SMYD3: variants seen among roughly 807,000 people sequenced by gnomAD.
SMYD3 encodes the protein histone-lysine N-methyltransferase SMYD3.
Under a neutral mutation model 57.7 loss-of-function variants are expected in SMYD3, and 36 were observed. That is an observed-to-expected ratio of 0.62 (90% CI 0.48 to 0.82). SMYD3 has a LOEUF of 0.82. Among genes scored for constraint, SMYD3 ranks in the 40% least tolerant of loss-of-function variants. The pLI is 0.00. For synonymous variants in SMYD3, 211 were observed against 195.0 expected (o/e 1.08, Z -0.68); for missense variants, 515 against 538.8 (o/e 0.96, Z 0.44).
At chr1:246,416,393 T>C (rs950396756) in intron 1 of SMYD3, among the ~76,000 whole-genome samples, 1 of 152,226 alleles carries the variant, frequency 6.6e-6, no homozygotes, top group African/African-American at 2.4e-5. Flanking sequence ...TGAAGCTTAG[T>C]ATTCAAATCT....
chr1:245,812,134 A>G (rs950123112), intron 10 of SMYD3, among the ~76,000 whole-genome samples: 3 of 152,198 alleles, frequency 2.0e-5, no homozygotes, highest in Admixed American at 2.0e-4. Flanking sequence ...CACATCAGCC[A>G]GTCACGTGTG....
chr1:245,834,557 C>T (rs1398041968), intron 10 of SMYD3, among the ~76,000 whole-genome samples: 5 of 152,302 alleles, frequency 3.3e-5, no homozygotes, highest in Middle Eastern at 6.8e-3. Flanking sequence ...TACATCTTAA[C>T]GTCCTCTGAG....
At chr1:246,443,265 A>G (rs541725554) in intron 1 of SMYD3, among the ~76,000 whole-genome samples, 3 of 152,328 alleles carry the variant, frequency 2.0e-5, no homozygotes, top group East Asian at 3.9e-4. Flanking sequence ...CTCAAACTGT[A>G]CATTTCTCCA....
At chr1:245,813,693 G>A (rs1572410494) in intron 10 of SMYD3, among the ~76,000 whole-genome samples, 1 of 152,124 alleles carries the variant, frequency 6.6e-6, no homozygotes, top group Admixed American at 6.5e-5. Context: ...AAGCTCCATA[G>A]AAAGCCTCCA....
chr1:245,985,594 A>T (rs1447370886), intron 5 of SMYD3, among the ~76,000 whole-genome samples: 3 of 152,086 alleles, frequency 2.0e-5, no homozygotes, highest in African/African-American at 7.2e-5. Flanking sequence ...CTGCTCCCTT[A>T]TTCCCGTCTC....
At chr1:246,080,255 C>T (rs967575069) in intron 5 of SMYD3, among the ~76,000 whole-genome samples, 4 of 151,760 alleles carry the variant, frequency 2.6e-5, no homozygotes, top group Non-Finnish European at 5.9e-5. Context: ...GCATGACCAC[C>T]GGAGCTCAGA....
At chr1:246,410,778 C>G (rs1309341795) in intron 1 of SMYD3, among the ~76,000 whole-genome samples, 2 of 152,100 alleles carry the variant, frequency 1.3e-5, no homozygotes, top group South Asian at 4.2e-4. Context: ...TGGTAGAATT[C>G]GGCTGTGAAT....
At chr1:246,229,635 G>A (rs966377799) in intron 5 of SMYD3, among the ~76,000 whole-genome samples, 2 of 152,188 alleles carry the variant, frequency 1.3e-5, no homozygotes, top group African/African-American at 4.8e-5. Flanking sequence ...CTAATATCCA[G>A]CAAAGGACCT....
At chr1:245,910,551 G>C (rs1198847027) in intron 8 of SMYD3, among the ~76,000 whole-genome samples, 1 of 152,000 alleles carries the variant, frequency 6.6e-6, no homozygotes, top group African/African-American at 2.4e-5. Context: ...AAAAAGCAAA[G>C]TAAGCATGGT....
chr1:245,983,622 G>C (rs146905141), intron 5 of SMYD3, among the ~76,000 whole-genome samples: 1 of 152,286 alleles, frequency 6.6e-6, no homozygotes, highest in East Asian at 1.9e-4. Flanking sequence ...TCTCATATTG[G>C]TTTGATGAAT....
chr1:246,273,538 T>G (rs1455254097), intron 5 of SMYD3, among the ~76,000 whole-genome samples: 1 of 151,496 alleles, frequency 6.6e-6, no homozygotes, highest in Non-Finnish European at 1.5e-5. Context: ...ACAATTTTGT[T>G]AATCTTTTCA....
intron 8 of SMYD3, among the ~76,000 whole-genome samples, chr1:245,883,285 G>A (rs2052891224): frequency 6.6e-6 from 1 of 152,074 alleles, no homozygotes; most frequent in Non-Finnish European, 1.5e-5. Flanking sequence ...GAAAAATCGA[G>A]ATAATATGTA....
At chr1:246,506,907 C>G (rs2068549548) in intron 1 of SMYD3, 147 bp downstream of exon 1, 2 of 734,258 alleles carry the variant, frequency 2.7e-6, no homozygotes, top group South Asian at 2.9e-5. Context: ...CGCCCCCGGG[C>G]ACACGCGCGT....
intron 11 of SMYD3, among the ~76,000 whole-genome samples, chr1:245,762,546 C>T (rs2045892352): frequency 6.6e-6 from 1 of 152,192 alleles, no homozygotes; most frequent in African/African-American, 2.4e-5. Context: ...CCTGAGGCTG[C>T]AACAGACGGT....
intron 5 of SMYD3, among the ~76,000 whole-genome samples, chr1:245,972,706 C>G (rs2058331335): frequency 6.6e-6 from 1 of 152,204 alleles, no homozygotes; most frequent in Non-Finnish European, 1.5e-5. Flanking sequence ...GGAGCTAAGC[C>G]TTGAGACTGT....
intron 1 of SMYD3, among the ~76,000 whole-genome samples, chr1:246,457,128 T>C (rs2067710154): frequency 6.6e-6 from 1 of 152,176 alleles, no homozygotes; most frequent in Non-Finnish European, 1.5e-5. Flanking sequence ...TCCATACTGA[T>C]CATCTCTGGC....
At position 245,781,478 on chromosome 1, in the gene SMYD3, C is replaced by T. The variant is rs544203680; in HGVS notation, c.1077-17329G>A. ...AGTACTGGGAAAATTGAGAAAAATG[C>T]CACCTTCTTCCAAGAGTCAAAGAAT... is the stretch of plus-strand genomic sequence containing the variant. On this transcript the variant is annotated intron_variant, in intron 10 of 11. Coordinates refer to ENST00000490107, the MANE Select transcript of SMYD3 (RefSeq NM_001167740.2). Among the ~76,000 whole-genome samples, 11 of 152,240 alleles carry T rather than the reference C, an allele frequency of 7.2e-5. 1 individual carries two copies. The South Asian group carries it at 2.3e-3, about 32-fold the overall frequency.
At position 246,086,703 on chromosome 1, in the gene SMYD3, C is replaced by CT. The variant is rs201039814; in HGVS notation, c.532-156767dup. ...TATGACACCTAAAATGCCAAATTTT[C>CT]TTTTTTTTTAATTTTTTTAATTTTT... On this transcript the variant is annotated intron_variant, in intron 5 of 11. Transcript: ENST00000490107. Among the ~76,000 whole-genome samples, 379 of 150,502 alleles carry CT rather than the reference C, an allele frequency of 2.5e-3. 1 individual carries two copies. Among genetic ancestry groups the CT allele is most frequent in the African/African-American group, 7.0e-3 (286 of 40,928 alleles).
chr1:246,346,010 C>T (rs1004799690), intron 2 of SMYD3, among the ~76,000 whole-genome samples: 3 of 152,172 alleles, frequency 2.0e-5, no homozygotes, highest in African/African-American at 7.2e-5. Flanking sequence ...ACTGGCCGGG[C>T]ACAGTGGCTC....
Sources: gnomAD v4.1 joint callset for allele counts (sites outside exome capture counted in the v4.1 genomes callset) on GRCh38, gnomAD v4.1.1 for gene constraint, MANE v1.5 for transcripts, NCBI Gene and HGNC (gene_info 2026-07-23, HGNC 2026-07-21) for gene names.